Variants in NEURL1 observed in about 807,000 individuals in gnomAD.
NEURL1 encodes E3 ubiquitin-protein ligase NEURL1.
Under a neutral mutation model 41.2 loss-of-function variants are expected in NEURL1, and 26 were observed. That is an observed-to-expected ratio of 0.63 (90% CI 0.46 to 0.87). The LOEUF (loss-of-function observed/expected upper bound fraction) is 0.87. NEURL1 is among the 40% of genes least tolerant of loss of function. The pLI is 0.00. For missense variants in NEURL1, 761 were observed against 871.1 expected (o/e 0.87, Z 1.59); for synonymous variants, 400 against 402.3 (o/e 0.99, Z 0.07).
At position 103,527,942 on chromosome 10, in the gene NEURL1, G is replaced by A. The variant is rs149354134; in HGVS notation, c.85+33470G>A. On this transcript the variant is annotated intron_variant, in intron 1 of 5. Transcript: ENST00000369780. The stretch of plus-strand genomic sequence containing the variant: ...GTCAGAAAACATTGGTATAAAGGCC[G>A]GGCACAATGGCTCACGCCTGTAATC... Among the ~76,000 whole-genome samples the A allele has an allele frequency of 3.1e-3, 470 of 152,238 alleles. 1 individual carries two copies. The highest frequency in any genetic ancestry group is 0.011 in the African/African-American group (439 of 41,522).
intron 1 of NEURL1, among the ~76,000 whole-genome samples, chr10:103,498,247 A>G (rs1399640149): frequency 1.3e-5 from 2 of 152,152 alleles, no homozygotes; most frequent in Non-Finnish European, 2.9e-5. Context: ...TTTATTTTTG[A>G]GACGGAGTCT....
chr10:103,500,499 T>C (rs1210373488), intron 1 of NEURL1, among the ~76,000 whole-genome samples: 1 of 152,194 alleles, frequency 6.6e-6, no homozygotes, highest in Non-Finnish European at 1.5e-5. Context: ...TAGCCTTGGG[T>C]GGGCTCTGTC....
At chr10:103,526,970 A>G (rs1182007902) in intron 1 of NEURL1, among the ~76,000 whole-genome samples, 1 of 151,912 alleles carries the variant, frequency 6.6e-6, no homozygotes, top group Non-Finnish European at 1.5e-5. Flanking sequence ...TAGAGAAGTA[A>G]AGAAACAAAA....
intron 1 of NEURL1, among the ~76,000 whole-genome samples, chr10:103,535,212 G>A (rs943750631): frequency 3.9e-5 from 6 of 152,240 alleles, no homozygotes; most frequent in Non-Finnish European, 8.8e-5. Context: ...CACTGAGGGG[G>A]CAAGAAACAG....
At chr10:103,560,742 G>A (rs990259658) in intron 1 of NEURL1, among the ~76,000 whole-genome samples, 2 of 152,168 alleles carry the variant, frequency 1.3e-5, no homozygotes, top group African/African-American at 2.4e-5. Context: ...GGAGCCCGTG[G>A]AGGAACCTCT....
Position 103,586,774 on chromosome 10 carries a change from TGC to T in NEURL1, c.1339+1551_1339+1552del, listed in dbSNP as rs751110683. Among the ~76,000 whole-genome samples, 18 of 152,078 alleles carry T rather than the reference TGC, an allele frequency of 1.2e-4. 1 individual carries two copies. The highest frequency in any genetic ancestry group is 2.6e-4 in the Non-Finnish European group (18 of 68,012). On this transcript the variant is annotated intron_variant, in intron 4 of 5. Coordinates refer to ENST00000369780, the MANE Select transcript of NEURL1 (RefSeq NM_004210.5). ...ATAAAAAGGAAATGAAAAGCCTGGG[TGC>T]GGTGGCTCACATCTGTAATCCCAGC...
Position 103,571,537 on chromosome 10 carries a change from C to T in NEURL1, c.364C>T (p.Arg122Trp), listed in dbSNP as rs1319312941. 4 of 1,609,806 alleles carry T rather than the reference C, an allele frequency of 2.5e-6. No individual in the cohort carries two copies. Among genetic ancestry groups the T allele is most frequent in the Non-Finnish European group, 3.4e-6 (4 of 1,179,828 alleles). ...KKQCCWSGALRLGFTSKDPSR... is the reference protein window; with the variant it reads ...KKQCCWSGALWLGFTSKDPSR... Reference sequence around the variant, plus strand: ...GCAGTGCTGCTGGAGCGGGGCCCTGCGGCTGGGCTTCACCAGCAAGGACCC... The same window carrying T: ...GCAGTGCTGCTGGAGCGGGGCCCTGTGGCTGGGCTTCACCAGCAAGGACCC... The change falls in exon 3 of 6, where the codon CGG becomes TGG. Residue 122 changes from arginine to tryptophan, a missense_variant. By Grantham distance (101) the Arg-to-Trp change is moderately radical (BLOSUM62 -3). This residue lies in a region of NEURL1 where 65 missense variants were observed against 131.6 expected (regional missense o/e 0.49). Coordinates refer to ENST00000369780, the MANE Select transcript of NEURL1 (RefSeq NM_004210.5).
At chr10:103,559,914 CACAT>C (rs1277802311) in intron 1 of NEURL1, among the ~76,000 whole-genome samples, 1 of 151,654 alleles carries the variant, frequency 6.6e-6, no homozygotes, top group Non-Finnish European at 1.5e-5. Flanking sequence ...ACACAACACA[CACAT>C]GCACACACAT....
At chr10:103,555,232 G>A in intron 1 of NEURL1, 1 of 889,030 alleles carries the variant, frequency 1.1e-6, no homozygotes, top group Non-Finnish European at 1.4e-6. Context: ...GGGGGCGCGT[G>A]GGGGCGCGGG....
intron 1 of NEURL1, among the ~76,000 whole-genome samples, chr10:103,541,571 G>A (rs1413841931): frequency 6.6e-6 from 1 of 152,188 alleles, no homozygotes; most frequent in Admixed American, 6.5e-5. Flanking sequence ...GGGGTGAGCT[G>A]TGGGAAGCAT....
chr10:103,559,946 A>G (rs1294830577), intron 1 of NEURL1, among the ~76,000 whole-genome samples: 8 of 152,038 alleles, frequency 5.3e-5, no homozygotes, highest in Non-Finnish European at 1.2e-4. Flanking sequence ...ACATGCACAC[A>G]CACGTACATG....
At chr10:103,543,352 G>A (rs1005309941) in intron 1 of NEURL1, among the ~76,000 whole-genome samples, 12 of 152,210 alleles carry the variant, frequency 7.9e-5, no homozygotes, top group African/African-American at 2.9e-4. Flanking sequence ...GAACAAGGAG[G>A]GCCCCCACTG....
chr10:103,523,478 GA>G (rs371758576), intron 1 of NEURL1, among the ~76,000 whole-genome samples: 85 of 151,150 alleles, frequency 5.6e-4, no homozygotes, highest in Non-Finnish European at 1.1e-3. Context: ...AAAAGAAAAA[GA>G]AAAAAAAGTA....
Position 103,558,184 on chromosome 10 carries a change from A to G in NEURL1, c.86-12688A>G. ...TGAGCCACCGCGCTTGGCTGATTGTATTTTCTTTAGGGCCTTGGACTTTCG... is the reference window on the plus strand; with the variant it reads ...TGAGCCACCGCGCTTGGCTGATTGTGTTTTCTTTAGGGCCTTGGACTTTCG... On this transcript the variant is annotated intron_variant, in intron 1 of 5. Transcript: ENST00000369780. This position sits in a 1 kb window ranked among gnomAD's most constrained non-coding sequence, Gnocchi z 4.2. The G allele has an allele frequency of 1.0e-6, 1 of 984,962 alleles. No homozygotes were observed. Among genetic ancestry groups the G allele is most frequent in the Non-Finnish European group, 1.2e-6 (1 of 829,918 alleles). The allele number at this position is 984,962 out of a possible 1,614,324, so 61.0% of individuals were successfully genotyped here.
At chr10:103,560,644 C>A (rs1472202943) in intron 1 of NEURL1, among the ~76,000 whole-genome samples, 1 of 152,120 alleles carries the variant, frequency 6.6e-6, no homozygotes, top group African/African-American at 2.4e-5. Context: ...AACATGGCCC[C>A]CACCCTGGGC....
chr10:103,555,353 A>T (rs2035127092), intron 1 of NEURL1: 2 of 1,342,138 alleles, frequency 1.5e-6, no homozygotes, highest in Non-Finnish European at 2.0e-6. Flanking sequence ...GGCCCAGCAG[A>T]GGTGGCTGCA....
chr10:103,567,009 GT>G (rs1476962732), intron 1 of NEURL1, among the ~76,000 whole-genome samples: 3 of 150,208 alleles, frequency 2.0e-5, no homozygotes, highest in African/African-American at 7.3e-5. Flanking sequence ...TTGAGACAGA[GT>G]CTTGCTCTGT....
intron 3 of NEURL1, among the ~76,000 whole-genome samples, chr10:103,573,416 G>A (rs1484719128): frequency 1.3e-5 from 2 of 152,140 alleles, no homozygotes; most frequent in Non-Finnish European, 2.9e-5. Context: ...CTGTAACGTG[G>A]GGCTAAATGC....
chr10:103,525,772 C>CCT (rs1169052046), intron 1 of NEURL1, among the ~76,000 whole-genome samples: 2 of 152,144 alleles, frequency 1.3e-5, no homozygotes, highest in Non-Finnish European at 2.9e-5. Context: ...GCTAGTACTT[C>CCT]CACTACTGTG....
Sources: allele counts gnomAD v4.1 joint callset (sites outside exome capture counted in the v4.1 genomes callset), GRCh38; gene constraint gnomAD v4.1.1; regional missense constraint gnomAD v4.1.1; non-coding constraint Gnocchi (gnomAD v3.1); transcripts MANE v1.5; gene names NCBI Gene and HGNC (gene_info 2026-07-23, HGNC 2026-07-21).